TRPC4: variants seen among roughly 807,000 people sequenced by gnomAD.
TRPC4 encodes transient receptor potential cation channel subfamily C member 4, also known as short transient receptor potential channel 4.
Under a neutral mutation model 99.4 loss-of-function variants are expected in TRPC4, and 49 were observed. That is an observed-to-expected ratio of 0.49 (90% confidence interval 0.39 to 0.63). TRPC4 has a LOEUF of 0.63. Ranked by LOEUF, TRPC4 falls within the 20% of genes least tolerant of loss-of-function variation. The probability of loss-of-function intolerance (pLI) is 0.00; values close to 1 mark genes in which losing one functional copy is unlikely to be tolerated. For missense variants in TRPC4, 898 were observed against 1,152.9 expected (o/e 0.78, Z 3.20); for synonymous variants, 454 against 425.9 (o/e 1.07, Z -0.81).
chr13:37,745,713 A>G (rs999311383), intron 3 of TRPC4, among the ~76,000 whole-genome samples: 1 of 151,766 alleles, frequency 6.6e-6, no homozygotes, highest in African/African-American at 2.4e-5. Context: ...ACCACAGTCA[A>G]TGTGTACATT....
At chr13:37,674,184 A>G in intron 5 of TRPC4, 44 bp downstream of exon 5, 3 of 1,486,734 alleles carry the variant, frequency 2.0e-6, no homozygotes, top group African/African-American at 2.9e-5. Context: ...TATATCATTA[A>G]TAATCAGAAC....
chr13:37,710,628 C>T (rs1364869247), intron 3 of TRPC4, among the ~76,000 whole-genome samples: 1 of 151,844 alleles, frequency 6.6e-6, no homozygotes, highest in Non-Finnish European at 1.5e-5. Flanking sequence ...TGACTGTTTC[C>T]TGGCAAAATA....
chr13:37,652,674 G>GTT (rs1952088037), intron 7 of TRPC4, among the ~76,000 whole-genome samples: 1 of 152,300 alleles, frequency 6.6e-6, no homozygotes, highest in Non-Finnish European at 1.5e-5. Flanking sequence ...ATGCTGCATT[G>GTT]GTGAAGAGAA....
Position 37,675,258 on chromosome 13 carries a change from C to T in TRPC4, c.1235-891G>A, listed in dbSNP as rs1953006730. Among the ~76,000 whole-genome samples the T allele has an allele frequency of 2.0e-5, 3 of 152,144 alleles. No homozygotes were observed. The South Asian group carries it at 6.2e-4, about 32-fold the overall frequency. ...AAAAAGTGAAATTAACTATAAAAAT[C>T]ATAATTTTCCAAGCATGCATCAGAG... is the stretch of plus-strand genomic sequence containing the variant. On this transcript the variant is annotated intron_variant, in intron 4 of 10. Coordinates refer to ENST00000379705, the MANE Select transcript of TRPC4 (RefSeq NM_016179.4).
rs1242035632 is a variant in TRPC4 at position 37,745,471 on chromosome 13, T to TAC, written c.897+465_897+466insGT. Among the ~76,000 whole-genome samples the TAC allele has an allele frequency of 1.1e-3, 5 of 4,652 alleles. 1 individual carries two copies. Among genetic ancestry groups the TAC allele is most frequent in the African/African-American group, 1.7e-3 (5 of 2,970 alleles). The allele number at this position is 4,652 out of a possible 152,430, so 3.1% of individuals were successfully genotyped here. A position where few individuals can be genotyped will look rare whatever the true frequency, so the allele number is the denominator to read the frequency against. On this transcript the variant is annotated intron_variant, in intron 3 of 10. Transcript: ENST00000379705. ...ATATATATATATATATATATATATA[T>TAC]ATACACACACACACACACTTATATA...
At position 37,811,644 on chromosome 13, in the gene TRPC4, T is replaced by C. The variant is rs1316883393; in HGVS notation, c.-27-28284A>G. Among the ~76,000 whole-genome samples the C allele has an allele frequency of 2.6e-5, 4 of 152,194 alleles. No individual in the cohort carries two copies. In the East Asian group the frequency reaches 7.8e-4, roughly 30 times the overall value. ...AGCAGAGTACTCATTACCACATACATATAAGGAATTACCAGAGGCCAGGGG... is the reference window on the plus strand; with the variant it reads ...AGCAGAGTACTCATTACCACATACACATAAGGAATTACCAGAGGCCAGGGG... On this transcript the variant is annotated intron_variant, in intron 1 of 10. Coordinates refer to ENST00000379705, the MANE Select transcript of TRPC4 (RefSeq NM_016179.4).
In TRPC4 at chr13:37,736,879, C is replaced by T. The variant is rs142820431; in HGVS notation, c.897+9058G>A. Reference sequence around the variant, plus strand: ...AAGTAGCTGCGAGTACAGACACACACCACTATGCCTGGCTAATTTTTTTTT... The same window carrying T: ...AAGTAGCTGCGAGTACAGACACACATCACTATGCCTGGCTAATTTTTTTTT... On this transcript the variant is annotated intron_variant, in intron 3 of 10. Coordinates refer to ENST00000379705, the MANE Select transcript of TRPC4 (RefSeq NM_016179.4). Among the ~76,000 whole-genome samples, 1,332 of 150,688 alleles carry T rather than the reference C, an allele frequency of 8.8e-3. 8 individuals are homozygous for T. The highest frequency in any genetic ancestry group is 0.014 in the Non-Finnish European group (952 of 67,746).
At chr13:37,735,103 C>T (rs992189885) in intron 3 of TRPC4, among the ~76,000 whole-genome samples, 1 of 152,084 alleles carries the variant, frequency 6.6e-6, no homozygotes, top group Non-Finnish European at 1.5e-5. Flanking sequence ...CAGGCATTAT[C>T]AATCCTAGAG....
At chr13:37,691,321 G>T (rs1953697863) in intron 4 of TRPC4, among the ~76,000 whole-genome samples, 1 of 152,082 alleles carries the variant, frequency 6.6e-6, no homozygotes, top group Non-Finnish European at 1.5e-5. Flanking sequence ...AGCTAGGATG[G>T]CTACGATCTC....
In TRPC4 at chr13:37,661,889, A is replaced by T. The variant is rs149981869; in HGVS notation, c.1688+1527T>A. Among the ~76,000 whole-genome samples the T allele has an allele frequency of 5.3e-5, 8 of 152,250 alleles. No homozygotes were observed. The East Asian group carries it at 1.4e-3, about 26-fold the overall frequency. ...GCCATCCTAGGCCATGCTAGTTATG[A>T]GGATGTTTTTGCAAGGGATTTCATT... On this transcript the variant is annotated intron_variant, in intron 6 of 10. Transcript: ENST00000379705.
chr13:37,780,229 C>A (rs1410764704), intron 2 of TRPC4, among the ~76,000 whole-genome samples: 1 of 152,080 alleles, frequency 6.6e-6, no homozygotes, highest in Non-Finnish European at 1.5e-5. Context: ...TAATATGTGA[C>A]AAATTTCTGA....
rs184503500 is a variant in TRPC4 at position 37,693,661 on chromosome 13, A to G, written c.898-1326T>C. ...GGATGCTGTGTTTGGGGATGAAGAA[A>G]GAGATGAGGTGACATTCAAAGAGTA... is the stretch of plus-strand genomic sequence containing the variant. On this transcript the variant is annotated intron_variant, in intron 3 of 10. Coordinates refer to ENST00000379705, the MANE Select transcript of TRPC4 (RefSeq NM_016179.4). 3.7e-4 allele frequency among the ~76,000 whole-genome samples: 56 copies of G among 152,330 alleles called. 1 individual carries two copies. Among genetic ancestry groups the G allele is most frequent in the Middle Eastern group, 3.4e-3 (1 of 294 alleles).
intron 3 of TRPC4, among the ~76,000 whole-genome samples, chr13:37,732,137 G>T (rs1019042712): frequency 1.3e-5 from 2 of 152,104 alleles, no homozygotes; most frequent in African/African-American, 2.4e-5. Context: ...AAAGATTTCA[G>T]TTCTTGGATT....
chr13:37,674,194 C>G (rs1290135861), intron 5 of TRPC4, 34 bp downstream of exon 5: 14 of 1,537,358 alleles, frequency 9.1e-6, no homozygotes, highest in African/African-American at 1.4e-5. Context: ...ATAATCAGAA[C>G]ATATGCTTTA....
At chr13:37,764,656 T>G (rs2139257726) in intron 2 of TRPC4, among the ~76,000 whole-genome samples, 1 of 151,530 alleles carries the variant, frequency 6.6e-6, no homozygotes, top group South Asian at 2.1e-4. Flanking sequence ...TTTTTAATAT[T>G]TCACTTTTCA....
intron 3 of TRPC4, among the ~76,000 whole-genome samples, chr13:37,742,177 T>C (rs1013567531): frequency 1.3e-5 from 2 of 152,134 alleles, no homozygotes; most frequent in African/African-American, 4.8e-5. Flanking sequence ...AAAATGAAAA[T>C]GTAAAAATAT....
intron 4 of TRPC4, among the ~76,000 whole-genome samples, chr13:37,684,750 A>G (rs12864606): frequency 6.6e-6 from 1 of 151,862 alleles, no homozygotes; most frequent in Non-Finnish European, 1.5e-5. Context: ...ATAAATATGC[A>G]CAAAGAAATA....
intron 2 of TRPC4, among the ~76,000 whole-genome samples, chr13:37,776,031 A>T (rs1466294958): frequency 6.6e-6 from 1 of 151,696 alleles, no homozygotes; most frequent in South Asian, 2.1e-4. Flanking sequence ...AGTAGCTTAA[A>T]CCACTTTATC....
intron 1 of TRPC4, among the ~76,000 whole-genome samples, chr13:37,856,667 A>C (rs1469586309): frequency 8.6e-5 from 13 of 151,818 alleles, no homozygotes; most frequent in Non-Finnish European, 5.9e-5. Context: ...ATGATACATT[A>C]GAAAGGTCAT....
Sources: allele counts gnomAD v4.1 joint callset (sites outside exome capture counted in the v4.1 genomes callset), GRCh38; gene constraint gnomAD v4.1.1; transcripts MANE v1.5; gene names NCBI Gene and HGNC (gene_info 2026-07-23, HGNC 2026-07-21).